Variants in CTNNA2 observed in about 807,000 individuals in gnomAD.
CTNNA2 encodes the protein catenin alpha 2, also known as catenin alpha-2.
In CTNNA2, 42 loss-of-function variants were observed where a neutral mutation model predicts 101.0. The observed-to-expected ratio is 0.42, with a 90% CI of 0.32 to 0.54. CTNNA2 has a LOEUF of 0.54. CTNNA2 is among the 20% of genes least tolerant of loss of function. The pLI, the probability that CTNNA2 is intolerant of heterozygous loss-of-function variation, is 0.14. For missense variants in CTNNA2, 871 were observed against 1,223.1 expected (o/e 0.71, Z 4.29); for synonymous variants, 450 against 456.4 (o/e 0.99, Z 0.18).
chr2:79,476,476 T>C (rs939621514), intron 4 of CTNNA2, among the ~76,000 whole-genome samples: 1 of 152,158 alleles, frequency 6.6e-6, no homozygotes. Flanking sequence ...TCGGTAACAG[T>C]AGCAGTGATT....
At chr2:79,402,528 TAATAA>T (rs1678300974) in intron 4 of CTNNA2, among the ~76,000 whole-genome samples, 9 of 151,822 alleles carry the variant, frequency 5.9e-5, no homozygotes, top group Admixed American at 5.3e-4. Context: ...CAATAATGAC[TAATAA>T]AATAGAACAA....
intron 7 of CTNNA2, among the ~76,000 whole-genome samples, chr2:80,000,123 TAAAAG>T (rs1331844680): frequency 1.3e-5 from 2 of 152,196 alleles, no homozygotes; most frequent in African/African-American, 4.8e-5. Flanking sequence ...AGAGCAAAGT[TAAAAG>T]AAACTCAAAA....
At chr2:80,489,463 GTTC>G (rs1401208328) in intron 9 of CTNNA2, among the ~76,000 whole-genome samples, 2 of 152,062 alleles carry the variant, frequency 1.3e-5, no homozygotes, top group African/African-American at 4.8e-5. Flanking sequence ...TGTATTCTAG[GTTC>G]TTTCTTTTTC....
chr2:80,217,147 G>A (rs1573421144), intron 7 of CTNNA2, among the ~76,000 whole-genome samples: 2 of 151,868 alleles, frequency 1.3e-5, no homozygotes, highest in Non-Finnish European at 2.9e-5. Flanking sequence ...CTACTTCTTA[G>A]AGGCCCCACA....
intron 3 of CTNNA2, among the ~76,000 whole-genome samples, chr2:79,808,051 A>G (rs116920554): frequency 0.011 from 1,623 of 152,304 alleles, 55 homozygotes; most frequent in East Asian, 0.1. Flanking sequence ...ATTACTTTTT[A>G]CGTGACATTT....
chr2:79,755,418 T>C (rs1290478116), intron 3 of CTNNA2, among the ~76,000 whole-genome samples: 1 of 152,114 alleles, frequency 6.6e-6, no homozygotes, highest in Non-Finnish European at 1.5e-5. Context: ...CGTTCTTGAG[T>C]CTATGAGTGC....
chr2:79,917,206 G>A (rs2104362684), intron 7 of CTNNA2, among the ~76,000 whole-genome samples: 1 of 151,976 alleles, frequency 6.6e-6, no homozygotes, highest in South Asian at 2.1e-4. Context: ...CGAGTAGCTG[G>A]GACTACAGGT....
chr2:80,478,403 A>G (rs1295773455), intron 9 of CTNNA2, among the ~76,000 whole-genome samples: 1 of 151,826 alleles, frequency 6.6e-6, no homozygotes, highest in South Asian at 2.1e-4. Flanking sequence ...TTTAAGTCCC[A>G]TTTATTTCTT....
At chr2:80,605,580 G>T (rs1697930579) in intron 16 of CTNNA2, 2 of 151,702 alleles carry the variant, frequency 1.3e-5, no homozygotes, top group African/African-American at 2.4e-5. Context: ...TATATATAAG[G>T]GTTGCTCCTC....
In CTNNA2 at chr2:79,718,979, T is replaced by C. The variant is rs111613094; in HGVS notation, c.103-25408T>C. Among the ~76,000 whole-genome samples the C allele has an allele frequency of 6.6e-4, 100 of 152,266 alleles. 2 individuals are homozygous for C. The highest frequency in any genetic ancestry group is 2.3e-3 in the African/African-American group (95 of 41,560). ...TGTACAGGTTTGTTACATGGGTATA[T>C]TGCTTCCAGGTAGTGAGCATGGTAT... On this transcript the variant is annotated intron_variant, in intron 2 of 18. Transcript: ENST00000402739.
At chr2:79,853,621 A>C (rs1016956853) in intron 3 of CTNNA2, among the ~76,000 whole-genome samples, 1 of 147,964 alleles carries the variant, frequency 6.8e-6, no homozygotes. Context: ...TGTTCCTAAA[A>C]CTCTGCCTTC....
intron 7 of CTNNA2, among the ~76,000 whole-genome samples, chr2:80,090,995 A>C (rs893432316): frequency 2.0e-5 from 3 of 152,098 alleles, no homozygotes; most frequent in African/African-American, 4.8e-5. Flanking sequence ...CTTTGTTTAA[A>C]ATGTTTGGTC....
chr2:80,095,099 C>T (rs1338258441), intron 7 of CTNNA2, among the ~76,000 whole-genome samples: 10 of 152,234 alleles, frequency 6.6e-5, no homozygotes, highest in African/African-American at 2.4e-4. Context: ...AAAGGGAATG[C>T]TTCCAGTTAT....
chr2:79,588,490 G>A (rs1054809947), intron 1 of CTNNA2, among the ~76,000 whole-genome samples: 2 of 152,002 alleles, frequency 1.3e-5, no homozygotes, highest in African/African-American at 2.4e-5. Flanking sequence ...AAAATATCTC[G>A]AGTTCCTATC....
At chr2:80,426,298 G>C (rs1899903) in intron 9 of CTNNA2, among the ~76,000 whole-genome samples, 1 of 151,884 alleles carries the variant, frequency 6.6e-6, no homozygotes, top group African/African-American at 2.4e-5. Context: ...GTGTAATTTG[G>C]GTACAAAATA....
rs1022995212 is a variant in CTNNA2, at chr2:79,915,298, C to T, written c.1056+5501C>T. Reference sequence around the variant, plus strand: ...CATATAGGAGTGGTATATTTACACACACACACAAACACACACACACACACA... The same window carrying T: ...CATATAGGAGTGGTATATTTACACATACACACAAACACACACACACACACA... On this transcript the variant is annotated intron_variant, in intron 7 of 18. Coordinates refer to ENST00000402739, the MANE Select transcript of CTNNA2 (RefSeq NM_001282597.3). 9.4e-5 allele frequency among the ~76,000 whole-genome samples: 8 copies of T among 84,996 alleles called. 1 individual carries two copies. The South Asian group carries it at 3.6e-3, about 38-fold the overall frequency. 55.8% of individuals were successfully genotyped at this position (84,996 alleles called of 152,430 possible). A position where few individuals can be genotyped will look rare whatever the true frequency, so the allele number is the denominator to read the frequency against.
At chr2:79,705,247 A>G (rs985496344) in intron 2 of CTNNA2, among the ~76,000 whole-genome samples, 3 of 152,166 alleles carry the variant, frequency 2.0e-5, no homozygotes, top group Non-Finnish European at 4.4e-5. Flanking sequence ...TTTCACTTGT[A>G]GTGGCTTTGG....
chr2:79,982,792 G>A (rs1291714645), intron 7 of CTNNA2, among the ~76,000 whole-genome samples: 1 of 152,016 alleles, frequency 6.6e-6, no homozygotes, highest in Non-Finnish European at 1.5e-5. Context: ...ACAATTAGTT[G>A]AGTCAACATC....
In CTNNA2 at chr2:80,490,251, A is replaced by AG. The variant is rs1383520500; in HGVS notation, c.1291-54730dup. Reference sequence around the variant, plus strand: ...TTCTAATCTAAAAATTTAGATTCAGAGTTGGCATTTTTTTTTCCTTCCCCC... The same window carrying AG: ...TTCTAATCTAAAAATTTAGATTCAGAGGTTGGCATTTTTTTTTCCTTCCCCC... On this transcript the variant is annotated intron_variant, in intron 9 of 18. Coordinates refer to ENST00000402739, the MANE Select transcript of CTNNA2 (RefSeq NM_001282597.3). Among the ~76,000 whole-genome samples, 6 of 148,016 alleles carry AG rather than the reference A, an allele frequency of 4.1e-5. No individual in the cohort carries two copies. The South Asian group carries it at 1.3e-3, about 33-fold the overall frequency.
Sources: gnomAD v4.1 joint callset for allele counts (sites outside exome capture counted in the v4.1 genomes callset) on GRCh38, gnomAD v4.1.1 for gene constraint, MANE v1.5 for transcripts, NCBI Gene and HGNC (gene_info 2026-07-23, HGNC 2026-07-21) for gene names.